The following EPHA10 variants were observed in gnomAD, a reference collection of about 807,000 sequenced individuals.
EPHA10 encodes ephrin type-A receptor 10.
EPHA10 carries 120 observed loss-of-function variants against 109.7 expected under a neutral mutation model. That is an observed-to-expected ratio of 1.09 (90% confidence interval 0.94 to 1.27). The LOEUF (loss-of-function observed/expected upper bound fraction) is 1.27, where lower values mean the gene tolerates loss of function less well. EPHA10 is among the 50% of genes most tolerant of loss of function. EPHA10 has a pLI of 0.00. For synonymous variants in EPHA10, 640 were observed against 618.9 expected, an observed-to-expected ratio of 1.03 and a Z score of -0.51; for missense variants, 1,396 against 1,411.1, an observed-to-expected ratio of 0.99 and a Z score of 0.17.
Position 37,761,928 on chromosome 1 carries a change from G to A in EPHA10, c.327C>T (p.Leu109=), listed in dbSNP as rs1029814982. 1.2e-6 allele frequency: 2 copies of A among 1,613,950 alleles called. No individual in the cohort carries two copies. The highest frequency in any genetic ancestry group is 1.1e-5 in the South Asian group (1 of 91,014). Residue 109 remains leucine, a synonymous_variant, in exon 3 of 17, where the codon CTC becomes CTT. Coordinates refer to ENST00000373048, the MANE Select transcript of EPHA10 (RefSeq NM_001099439.2). ...QRIFVELQFT[L]RDCSSIPGAA... ...CGCCAGGGATGCTGCTGCAGTCACG[G>A]AGTGTGAACTGCAGTTCCACGAAGA...
In EPHA10 at chr1:37,717,881, C is replaced by T. The variant is rs369855536; in HGVS notation, c.*491G>A. ...GTGGATGCACCTCTGGCCCAGCCCCCGACGCCTGAGCCACCAGGCAGCTGC... is the reference window on the plus strand; with the variant it reads ...GTGGATGCACCTCTGGCCCAGCCCCTGACGCCTGAGCCACCAGGCAGCTGC... On this transcript the variant is annotated 3_prime_UTR_variant, in exon 17 of 17. Transcript: ENST00000373048. 3.8e-5 allele frequency: 9 copies of T among 239,644 alleles called. No individual in the cohort carries two copies. Among genetic ancestry groups the T allele is most frequent in the East Asian group, 6.1e-5 (1 of 16,484 alleles). 14.8% of individuals were successfully genotyped at this position (239,644 alleles called of 1,614,324 possible).
intron 5 of EPHA10, among the ~76,000 whole-genome samples, chr1:37,741,424 G>T (rs192359472): frequency 2.6e-5 from 4 of 152,198 alleles, no homozygotes; most frequent in Non-Finnish European, 5.9e-5. Context: ...CTCAGGCTCT[G>T]ACAAGTGCGT....
At position 37,757,434 on chromosome 1, in the gene EPHA10, A is replaced by G. The variant is rs115110974; in HGVS notation, c.851-3064T>C. ...CTCCCCACTGCCAGCCACTCTAACC[A>G]TGGTACACTGAGCTCATCCTTTCAC... On this transcript the variant is annotated intron_variant, in intron 3 of 16. Coordinates refer to ENST00000373048, the MANE Select transcript of EPHA10 (RefSeq NM_001099439.2). Among the ~76,000 whole-genome samples the G allele has an allele frequency of 9.8e-3, 1,491 of 152,132 alleles. 19 individuals are homozygous for G. The highest frequency in any genetic ancestry group is 0.034 in the African/African-American group (1,396 of 41,492).
chr1:37,723,334 T>C lies in EPHA10; in HGVS notation c.1811A>G (p.Asp604Gly). ...ACAGTGGAAATACAGCTCCTCTTCATCATGGGCATCCCCTCCTCCTTTGCC... is the reference window on the plus strand; with the variant it reads ...ACAGTGGAAATACAGCTCCTCTTCACCATGGGCATCCCCTCCTCCTTTGCC... The part of the protein sequence containing the change: ...SYGKGGGDAH[D>G]EEELYFHFKV... Residue 604 changes from aspartate (D) to glycine (G), a missense_variant, in exon 9 of 17, where the codon GAT becomes GGT. Transcript: ENST00000373048. 6.2e-7 allele frequency: 1 copy of C among 1,614,148 alleles called. No individual in the cohort carries two copies. Among genetic ancestry groups the C allele is most frequent in the Non-Finnish European group, 8.5e-7 (1 of 1,180,026 alleles).
At chr1:37,715,921 C>A (rs1645684742), downstream of EPHA10, 1 of 570,162 alleles carries the variant, frequency 1.8e-6, no homozygotes, top group Non-Finnish European at 3.4e-6. Flanking sequence ...GGGCAGAAGC[C>A]CTTCCACACC....
At position 37,723,051 on chromosome 1, in the gene EPHA10, G is replaced by A. The variant is rs966432285; in HGVS notation, c.1950C>T (p.Ser650=). 6.2e-7 allele frequency: 1 copy of A among 1,614,036 alleles called. No individual in the cohort carries two copies. Among genetic ancestry groups the A allele is most frequent in the Non-Finnish European group, 8.5e-7 (1 of 1,180,050 alleles). The change falls in exon 10 of 17, where the codon AGC becomes AGT. Residue 650 remains serine (S), a synonymous_variant. Coordinates refer to ENST00000373048, the MANE Select transcript of EPHA10 (RefSeq NM_001099439.2). ...GGGCGCCCAGCTTGCCTCCTCCAAG[G>A]CTCCTCTCCAGCGTGACGCTTTTCG... The part of the protein sequence containing the change: ...LDAKSVTLER[S]LGGGRFGELC...
Position 37,761,509 on chromosome 1 carries a change from C to T in EPHA10, c.746G>A (p.Gly249Asp). ...GCCGCAGTGCATGCGTGGGGGGCTG[C>T]CAGGCTCCCCTTCCGAGTGCGCCAC... ...TCVAHSEGEP[G>D]SPPRMHCGAD... The change falls in exon 3 of 17, where the codon GGC becomes GAC. Residue 249 changes from glycine (G) to aspartate (D), a missense_variant. Gly to Asp is a moderately conservative substitution (Grantham distance 94, BLOSUM62 -1). Coordinates refer to ENST00000373048, the MANE Select transcript of EPHA10 (RefSeq NM_001099439.2). 1 of 1,599,432 alleles carries T rather than the reference C, an allele frequency of 6.3e-7. No homozygotes were observed. The highest frequency in any genetic ancestry group is 8.5e-7 in the Non-Finnish European group (1 of 1,178,312).
At chr1:37,741,189 G>C (rs976311894) in intron 5 of EPHA10, among the ~76,000 whole-genome samples, 1 of 152,220 alleles carries the variant, frequency 6.6e-6, no homozygotes, top group Non-Finnish European at 1.5e-5. Context: ...GGAATTTTAT[G>C]AAGTAATGTG....
Position 37,752,824 on chromosome 1 carries a change from G to T in EPHA10, c.1357+52C>A, listed in dbSNP as rs1646348757. ...ACCGACGGGGCGGCCCCAAGAGGGC[G>T]CAGGGGCGGCAGGCGCGGTGGCCTC... On this transcript the variant is annotated intron_variant, in intron 5 of 16. Coordinates refer to ENST00000373048, the MANE Select transcript of EPHA10 (RefSeq NM_001099439.2). The T allele has an allele frequency of 1.5e-5, 18 of 1,188,086 alleles. No individual in the cohort carries two copies. In the East Asian group the frequency reaches 4.6e-4, roughly 30 times the overall value. The allele number at this position is 1,188,086 out of a possible 1,614,324, so 73.6% of individuals were successfully genotyped here.
intron 5 of EPHA10, among the ~76,000 whole-genome samples, chr1:37,736,285 T>A (rs1436739148): frequency 6.6e-6 from 1 of 152,040 alleles, no homozygotes; most frequent in Non-Finnish European, 1.5e-5. Flanking sequence ...GAGACCAGCC[T>A]GATCAAATGG....
At chr1:37,751,918 A>C (rs757305901) in intron 5 of EPHA10, among the ~76,000 whole-genome samples, 8 of 152,138 alleles carry the variant, frequency 5.3e-5, no homozygotes, top group Non-Finnish European at 1.0e-4. Flanking sequence ...CAGGTTAAAG[A>C]ATTATTCTAA....
At chr1:37,731,328 TC>T in intron 7 of EPHA10, 82 bp downstream of exon 7, 1 of 1,401,236 alleles carries the variant, frequency 7.1e-7, no homozygotes, top group Non-Finnish European at 9.5e-7. Context: ...CAGATAACTC[TC>T]CCCCTCTATT....
intron 1 of EPHA10, among the ~76,000 whole-genome samples, chr1:37,763,491 A>C (rs1646450604): frequency 6.6e-6 from 1 of 152,062 alleles, no homozygotes; most frequent in Admixed American, 6.5e-5. Flanking sequence ...AATTAAGCTA[A>C]CATTCACGGT....
downstream of EPHA10, chr1:37,714,780 C>T (rs1047588450): frequency 1.3e-5 from 2 of 152,216 alleles, no homozygotes; most frequent in Non-Finnish European, 2.9e-5. Flanking sequence ...ACAGGCAAGC[C>T]GGGGAGAGAG....
rs758785213 is a variant in EPHA10, at chr1:37,761,971, C to T, written c.284G>A (p.Arg95His). 5 of 1,614,160 alleles carry T rather than the reference C, an allele frequency of 3.1e-6. No individual in the cohort carries two copies. The highest frequency in any genetic ancestry group is 4.2e-6 in the Non-Finnish European group (5 of 1,180,040). ...DNWLQTGWISRGRGQRIFVEL... is the reference protein window; with the variant it reads ...DNWLQTGWISHGRGQRIFVEL... Reference sequence around the variant, plus strand: ...CACGAAGATGCGCTGCCCGCGGCCACGGCTTATCCAGCCAGTCTGCAGCCA... The same window carrying T: ...CACGAAGATGCGCTGCCCGCGGCCATGGCTTATCCAGCCAGTCTGCAGCCA... Residue 95 changes from arginine to histidine, a missense_variant, in exon 3 of 17, where the codon CGT becomes CAT. Coordinates refer to ENST00000373048, the MANE Select transcript of EPHA10 (RefSeq NM_001099439.2).
intron 12 of EPHA10, 53 bp downstream of exon 12, chr1:37,720,730 C>T: frequency 6.2e-7 from 1 of 1,602,818 alleles, no homozygotes. Flanking sequence ...AGTGAGGGAC[C>T]CCTGCCCGCT....
chr1:37,722,960 G>C, intron 10 of EPHA10, 81 bp downstream of exon 10: 1 of 1,600,232 alleles, frequency 6.2e-7, no homozygotes, highest in East Asian at 2.2e-5. Flanking sequence ...CAGGATAGAG[G>C]TGTGGACAGA....
rs76798065 is a variant in EPHA10 at position 37,716,171 on chromosome 1, C to T, written c.*2201G>A. ...CTGTAGAGGGTTCCCAGAGAGCCAT[C>T]GCCCCACATCACATCTGTGCAGGGC... On this transcript the variant is annotated 3_prime_UTR_variant, in exon 17 of 17. Transcript: ENST00000373048. The T allele has an allele frequency of 9.5e-3, 3,974 of 416,290 alleles. 129 individuals carry two copies. Among genetic ancestry groups the T allele is most frequent in the African/African-American group, 0.072 (3,601 of 49,794 alleles). 25.8% of individuals were successfully genotyped at this position (416,290 alleles called of 1,614,324 possible).
Position 37,753,319 on chromosome 1 carries a change from C to T in EPHA10, c.1007-93G>A, listed in dbSNP as rs1032911358. ...GAGGGGGGGGCGGGGTCTTGTCCACCCCCAGTGAGGCAGGAGAAGCAGGGG... is the reference window on the plus strand; with the variant it reads ...GAGGGGGGGGCGGGGTCTTGTCCACTCCCAGTGAGGCAGGAGAAGCAGGGG... On this transcript the variant is annotated intron_variant, in intron 4 of 16. Coordinates refer to ENST00000373048, the MANE Select transcript of EPHA10 (RefSeq NM_001099439.2). The T allele has an allele frequency of 6.9e-6, 6 of 869,210 alleles. No individual in the cohort carries two copies. The South Asian group carries it at 2.2e-4, about 32-fold the overall frequency. 53.8% of individuals were successfully genotyped at this position (869,210 alleles called of 1,614,324 possible).
Sources: allele counts gnomAD v4.1 joint callset (sites outside exome capture counted in the v4.1 genomes callset), GRCh38; gene constraint gnomAD v4.1.1; transcripts MANE v1.5; gene names NCBI Gene and HGNC (gene_info 2026-07-23, HGNC 2026-07-21).